The following RECK variants were observed in gnomAD, a reference collection of about 807,000 sequenced individuals.
RECK encodes the protein reversion-inducing cysteine-rich protein with Kazal motifs.
Under a neutral mutation model 115.1 loss-of-function variants are expected in RECK, and 69 were observed. That is an observed-to-expected ratio of 0.60 (90% CI 0.49 to 0.73). RECK has a LOEUF of 0.73. Among genes scored for constraint, RECK ranks in the 30% least tolerant of loss-of-function variants. The pLI is 0.00. For missense variants in RECK, 1,047 were observed against 1,203.7 expected (o/e 0.87, Z 1.93); for synonymous variants, 414 against 419.7 (o/e 0.99, Z 0.17).
At chr9:36,087,650 CAAAAA>C in intron 8 of RECK, 39 bp from the exon 9 acceptor site, 1 of 1,577,228 alleles carries the variant, frequency 6.3e-7, no homozygotes, top group Non-Finnish European at 8.6e-7. Context: ...TAAAAACAAA[CAAAAA>C]AAACAGCTAA....
intron 12 of RECK, 145 bp downstream of exon 12, chr9:36,102,375 C>T: frequency 2.7e-6 from 2 of 737,058 alleles, no homozygotes; most frequent in Non-Finnish European, 4.3e-6. Context: ...CTCTTGTTTG[C>T]TTGGCCTTTT....
chr9:36,062,979 A>G (rs1821841490), intron 4 of RECK, among the ~76,000 whole-genome samples: 1 of 151,996 alleles, frequency 6.6e-6, no homozygotes. Flanking sequence ...TACTAAAAAT[A>G]CAAAAATTAG....
chr9:36,058,967 T>G, intron 3 of RECK, 66 bp downstream of exon 3: 1 of 1,108,048 alleles, frequency 9.0e-7, no homozygotes, highest in Non-Finnish European at 1.2e-6. Flanking sequence ...TGAATTACTT[T>G]CAGAGTTAGC....
intron 6 of RECK, among the ~76,000 whole-genome samples, chr9:36,070,052 G>A (rs1232379369): frequency 6.6e-6 from 1 of 152,160 alleles, no homozygotes; most frequent in African/African-American, 2.4e-5. Flanking sequence ...AAACAAAATT[G>A]CATTAGTGGA....
chr9:36,075,823 T>C (rs1822426029), intron 6 of RECK, among the ~76,000 whole-genome samples: 1 of 152,212 alleles, frequency 6.6e-6, no homozygotes, highest in South Asian at 2.1e-4. Flanking sequence ...ATATAAAACA[T>C]TAACATAACA....
intron 9 of RECK, among the ~76,000 whole-genome samples, chr9:36,090,502 G>A (rs1413924710): frequency 6.6e-6 from 1 of 152,062 alleles, no homozygotes; most frequent in African/African-American, 2.4e-5. Flanking sequence ...TTGTAAACAT[G>A]TATTTTATAA....
intron 10 of RECK, 67 bp from the exon 11 acceptor site, chr9:36,100,263 AT>A (rs1823510103): frequency 3.7e-6 from 5 of 1,333,724 alleles, no homozygotes; most frequent in Middle Eastern, 1.8e-4. Flanking sequence ...GTATGTCAGG[AT>A]TTTACTTGTT....
chr9:36,040,307 A>C (rs754115480), intron 1 of RECK, among the ~76,000 whole-genome samples: 2 of 152,188 alleles, frequency 1.3e-5, no homozygotes, highest in Non-Finnish European at 2.9e-5. Flanking sequence ...ACTTCAAAAG[A>C]GTTTATAAGA....
At chr9:36,092,262 T>C (rs567334901) in intron 10 of RECK, among the ~76,000 whole-genome samples, 54 of 152,204 alleles carry the variant, frequency 3.5e-4, no homozygotes, top group Non-Finnish European at 6.9e-4. Context: ...GAGTAGCTTG[T>C]ATGAGAATAA....
intron 16 of RECK, among the ~76,000 whole-genome samples, chr9:36,113,310 C>G (rs998591095): frequency 6.6e-6 from 1 of 152,236 alleles, no homozygotes; most frequent in Non-Finnish European, 1.5e-5. Context: ...TCCTGAAAAC[C>G]CTGGTGTAAT....
Position 36,036,998 on chromosome 9 carries a change from C to T in RECK, c.-1C>T. ...CGGCTCTGGAGCCGCCCGGCCCGGA[C>T]ATGGCGACCGTCCGGGCCTCTCTGC... On this transcript the variant is annotated 5_prime_UTR_variant, in exon 1 of 21. Coordinates refer to ENST00000377966, the MANE Select transcript of RECK (RefSeq NM_021111.3). 2 of 1,428,460 alleles carry T rather than the reference C, an allele frequency of 1.4e-6. No homozygotes were observed. The highest frequency in any genetic ancestry group is 2.7e-5 in the Admixed American group (1 of 37,586). 88.5% of individuals were successfully genotyped at this position (1,428,460 alleles called of 1,614,324 possible). A position where few individuals can be genotyped will look rare whatever the true frequency, so the allele number is the denominator to read the frequency against.
chr9:36,074,922 G>T (rs7870134), intron 6 of RECK, among the ~76,000 whole-genome samples: 3,810 of 152,324 alleles, frequency 0.025, 170 homozygotes, highest in African/African-American at 0.087. Context: ...AGGCTTAGCT[G>T]ATTCCAGCTG....
chr9:36,059,580 G>T (rs1460808641), intron 3 of RECK, among the ~76,000 whole-genome samples: 10 of 152,054 alleles, frequency 6.6e-5, no homozygotes, highest in African/African-American at 2.2e-4. Context: ...TTTGGGATAA[G>T]GGAAAATATA....
chr9:36,063,643 G>T (rs1821871760), intron 4 of RECK, 152 bp from the exon 5 acceptor site: 1 of 609,218 alleles, frequency 1.6e-6, no homozygotes, highest in South Asian at 1.9e-5. Flanking sequence ...AAGGGTAAAG[G>T]GAGGTCCTTA....
chr9:36,066,871 G>T (rs1335302165), intron 6 of RECK: 1 of 1,280,504 alleles, frequency 7.8e-7, no homozygotes, highest in Non-Finnish European at 1.0e-6. Flanking sequence ...GACAGGAAAG[G>T]TAAGAGAGAC....
intron 1 of RECK, among the ~76,000 whole-genome samples, chr9:36,046,119 C>T (rs1484654259): frequency 6.6e-6 from 1 of 152,082 alleles, no homozygotes; most frequent in East Asian, 1.9e-4. Flanking sequence ...CTGTTCAATT[C>T]CATTTTATGA....
At chr9:36,048,843 T>G (rs1821174670) in intron 1 of RECK, among the ~76,000 whole-genome samples, 1 of 152,170 alleles carries the variant, frequency 6.6e-6, no homozygotes, top group African/African-American at 2.4e-5. Flanking sequence ...CCACCCAGAA[T>G]CAGCATCTAC....
rs1334055744 is a variant in RECK, at chr9:36,036,924, G to C, written c.-75G>C. On this transcript the variant is annotated 5_prime_UTR_variant, in exon 1 of 21. Coordinates refer to ENST00000377966, the MANE Select transcript of RECK (RefSeq NM_021111.3). ...GGGGGCGGGGCCTCGCGCGAGCGGC[G>C]GCGGTAGCGGCGGCAGCGGCTGCGG... 1 of 977,852 alleles carries C rather than the reference G, an allele frequency of 1.0e-6. No homozygotes were observed. The highest frequency in any genetic ancestry group is 1.7e-5 in the African/African-American group (1 of 57,554). 60.6% of individuals were successfully genotyped at this position (977,852 alleles called of 1,614,324 possible). A position where few individuals can be genotyped will look rare whatever the true frequency, so the allele number is the denominator to read the frequency against.
rs1822344820 is a variant in RECK at position 36,073,959 on chromosome 9, A to C, written c.406-6646A>C. Reference sequence around the variant, plus strand: ...TTTGCAAGCCAGCTTGTAACTTAAAATCAGCCATGGGTGGAGGTATTTGCA... The same window carrying C: ...TTTGCAAGCCAGCTTGTAACTTAAACTCAGCCATGGGTGGAGGTATTTGCA... On this transcript the variant is annotated intron_variant, in intron 6 of 20. Coordinates refer to ENST00000377966, the MANE Select transcript of RECK (RefSeq NM_021111.3). Among the ~76,000 whole-genome samples, 6 of 152,258 alleles carry C rather than the reference A, an allele frequency of 3.9e-5. No individual in the cohort carries two copies. The South Asian group carries it at 1.2e-3, about 32-fold the overall frequency.
Sources: allele counts gnomAD v4.1 joint callset (sites outside exome capture counted in the v4.1 genomes callset), GRCh38; gene constraint gnomAD v4.1.1; transcripts MANE v1.5; gene names NCBI Gene and HGNC (gene_info 2026-07-23, HGNC 2026-07-21).